GAS7: variants seen among roughly 807,000 people sequenced by gnomAD.
The protein encoded by GAS7 is growth arrest specific 7, also known as growth arrest-specific protein 7.
Under a neutral mutation model 71.1 loss-of-function variants are expected in GAS7, and 28 were observed. That is an observed-to-expected ratio of 0.39 (90% CI 0.29 to 0.54). The LOEUF (loss-of-function observed/expected upper bound fraction) is 0.54, where lower values mean the gene tolerates loss of function less well. Among genes scored for constraint, GAS7 ranks in the 20% least tolerant of loss-of-function variants. The pLI is 0.62. For missense variants in GAS7, 436 were observed against 627.8 expected (o/e 0.69, Z 3.27); for synonymous variants, 258 against 245.8 (o/e 1.05, Z -0.46).
At chr17:10,124,788 C>T (rs1231926274) in intron 1 of GAS7, among the ~76,000 whole-genome samples, 1 of 151,824 alleles carries the variant, frequency 6.6e-6, no homozygotes, top group Non-Finnish European at 1.5e-5. Flanking sequence ...CATGGTGGTG[C>T]GCACCTGTAA....
At chr17:10,063,143 C>T (rs944553048) in intron 1 of GAS7, among the ~76,000 whole-genome samples, 1 of 152,224 alleles carries the variant, frequency 6.6e-6, no homozygotes. Flanking sequence ...CATGGGGTTT[C>T]CCCTAGAGGA....
rs183857754 is a variant in GAS7 at position 10,168,918 on chromosome 17, C to T, written c.183+29290G>A. On this transcript the variant is annotated intron_variant, in intron 1 of 13. Transcript: ENST00000432992. ...ATGGGAGGCAGAGCTTGCAGTGAGC[C>T]GAGATCACGCCACTGCACTCCAGCG... Among the ~76,000 whole-genome samples, 389 of 146,912 alleles carry T rather than the reference C, an allele frequency of 2.6e-3. 3 individuals are homozygous for T. The highest frequency in any genetic ancestry group is 9.3e-3 in the African/African-American group (366 of 39,302).
chr17:9,922,515 A>G (rs147652134), intron 11 of GAS7, among the ~76,000 whole-genome samples: 3 of 152,372 alleles, frequency 2.0e-5, no homozygotes, highest in African/African-American at 7.2e-5. Flanking sequence ...AAAAGAGACA[A>G]TGCTCTAAAG....
chr17:10,030,866 C>G (rs1309995060), intron 1 of GAS7, among the ~76,000 whole-genome samples: 1 of 152,244 alleles, frequency 6.6e-6, no homozygotes, highest in African/African-American at 2.4e-5. Flanking sequence ...CGCCCACCCC[C>G]ACCAGCCTCC....
chr17:10,128,071 G>T (rs1460001014), intron 1 of GAS7, among the ~76,000 whole-genome samples: 1 of 152,172 alleles, frequency 6.6e-6, no homozygotes, highest in Admixed American at 6.5e-5. Context: ...CCAGGCCTGG[G>T]AGCCAGGGCT....
intron 1 of GAS7, among the ~76,000 whole-genome samples, chr17:10,167,295 G>A (rs1427362278): frequency 6.6e-6 from 1 of 151,656 alleles, no homozygotes; most frequent in East Asian, 1.9e-4. Context: ...GACCTCAGGT[G>A]ATCCATCCGC....
chr17:10,159,065 C>CATACATATATATATATATATATAT (rs2074229192), intron 1 of GAS7, among the ~76,000 whole-genome samples: 1 of 60,014 alleles, frequency 1.7e-5, no homozygotes, highest in Non-Finnish European at 2.9e-5. Context: ...GTCTCTAAAA[C>CATACATATATATATATATATATAT]ATATATATAT....
chr17:9,959,446 CG>C lies in GAS7; in HGVS notation c.472-192del. 7.0e-7 allele frequency: 1 copy of C among 1,436,184 alleles called. No homozygotes were observed. The highest frequency in any genetic ancestry group is 2.8e-5 in the Admixed American group (1 of 36,072). 89.0% of individuals were successfully genotyped at this position (1,436,184 alleles called of 1,614,324 possible). A position where few individuals can be genotyped will look rare whatever the true frequency, so the allele number is the denominator to read the frequency against. ...CCACGCTGTTCCCACGCCCAGCTCTCGGGCTGAAGGCGAATTAAGGAAGCCT... is the reference window on the plus strand; with the variant it reads ...CCACGCTGTTCCCACGCCCAGCTCTCGGCTGAAGGCGAATTAAGGAAGCCT... On this transcript the variant is annotated intron_variant, in intron 4 of 13. Coordinates refer to ENST00000432992, the MANE Select transcript of GAS7 (RefSeq NM_201433.2). This position sits in a 1 kb window ranked among gnomAD's most constrained non-coding sequence, Gnocchi z 5.0.
At chr17:10,036,694 G>C in intron 1 of GAS7, 1 of 1,294,112 alleles carries the variant, frequency 7.7e-7, no homozygotes, top group Non-Finnish European at 9.8e-7. Flanking sequence ...ATCCGCTCCA[G>C]TGCTTGCTGG....
chr17:9,989,169 A>G (rs1438261365), intron 2 of GAS7, among the ~76,000 whole-genome samples: 1 of 152,128 alleles, frequency 6.6e-6, no homozygotes, highest in Admixed American at 6.6e-5. Flanking sequence ...CTGAGGCCTC[A>G]GTGAGAAGTG....
At chr17:10,178,882 A>T (rs553878405) in intron 1 of GAS7, among the ~76,000 whole-genome samples, 1 of 151,850 alleles carries the variant, frequency 6.6e-6, no homozygotes, top group Non-Finnish European at 1.5e-5. Context: ...TAGAGAAAAA[A>T]GGTGAGCAGA....
intron 1 of GAS7, among the ~76,000 whole-genome samples, chr17:10,056,853 T>C (rs2073145690): frequency 2.0e-5 from 3 of 152,150 alleles, no homozygotes; most frequent in African/African-American, 7.2e-5. Context: ...GAAGCTAGAC[T>C]GTACTGCCGC....
At chr17:10,084,062 G>A (rs1027414440) in intron 1 of GAS7, among the ~76,000 whole-genome samples, 2 of 152,194 alleles carry the variant, frequency 1.3e-5, no homozygotes, top group Admixed American at 1.3e-4. Context: ...GCTCTCACAG[G>A]GAGGCTGCGG....
chr17:10,099,483 G>C (rs891585150), intron 1 of GAS7, among the ~76,000 whole-genome samples: 2 of 152,206 alleles, frequency 1.3e-5, no homozygotes, highest in Admixed American at 6.5e-5. Flanking sequence ...CACCGCCCTG[G>C]AGTGGTTCTG....
At chr17:10,088,220 C>CAATAATAAT (rs58029258) in intron 1 of GAS7, among the ~76,000 whole-genome samples, 13,273 of 137,638 alleles carry the variant, frequency 0.096, 690 homozygotes, top group African/African-American at 0.12. Flanking sequence ...GACTCTATCT[C>CAATAATAAT]AATAATAATA....
At chr17:10,009,111 G>A (rs909771552) in intron 2 of GAS7, among the ~76,000 whole-genome samples, 1 of 151,772 alleles carries the variant, frequency 6.6e-6, no homozygotes, top group Admixed American at 6.6e-5. Context: ...ACGAGGTCAG[G>A]AGATCGAGAC....
chr17:9,938,233 G>C (rs116934776), intron 8 of GAS7, among the ~76,000 whole-genome samples: 1 of 152,002 alleles, frequency 6.6e-6, no homozygotes. Flanking sequence ...TTGGCCAGGC[G>C]CGATGGATCA....
intron 1 of GAS7, among the ~76,000 whole-genome samples, chr17:10,073,862 C>A (rs970378431): frequency 2.0e-5 from 3 of 152,190 alleles, no homozygotes; most frequent in Non-Finnish European, 4.4e-5. Flanking sequence ...TCAACCAAGG[C>A]AATCTCAGAT....
intron 1 of GAS7, among the ~76,000 whole-genome samples, chr17:10,031,850 T>C (rs1191434494): frequency 6.6e-6 from 1 of 152,212 alleles, no homozygotes; most frequent in East Asian, 1.9e-4. Context: ...CTTCAGCATG[T>C]TTTGGAAGAA....
Sources: gnomAD v4.1 joint callset for allele counts (sites outside exome capture counted in the v4.1 genomes callset) on GRCh38, gnomAD v4.1.1 for gene constraint, Gnocchi (gnomAD v3.1) non-coding constraint, MANE v1.5 for transcripts, NCBI Gene and HGNC (gene_info 2026-07-23, HGNC 2026-07-21) for gene names.